NCAM2: variants seen among roughly 807,000 people sequenced by gnomAD.
The protein encoded by NCAM2 is neural cell adhesion molecule 2.
In NCAM2, 30 loss-of-function variants were observed where a neutral mutation model predicts 98.1. That is an observed-to-expected ratio of 0.31 (90% confidence interval 0.23 to 0.41). The LOEUF (loss-of-function observed/expected upper bound fraction) is 0.41, where lower values mean the gene tolerates loss of function less well. Ranked by LOEUF, NCAM2 falls within the 10% of genes least tolerant of loss-of-function variation. NCAM2 has a pLI of 1.00. For synonymous variants in NCAM2, 368 were observed against 342.4 expected, an observed-to-expected ratio of 1.07 and a Z score of -0.83; for missense variants, 867 against 1,005.8, an observed-to-expected ratio of 0.86 and a Z score of 1.87.
At chr21:21,256,092 C>T (rs961534062) in intron 1 of NCAM2, among the ~76,000 whole-genome samples, 5 of 152,086 alleles carry the variant, frequency 3.3e-5, no homozygotes, top group African/African-American at 4.8e-5. Context: ...CAGTGGCTCA[C>T]GCCTGTAATC....
intron 1 of NCAM2, among the ~76,000 whole-genome samples, chr21:21,246,951 A>G (rs1174661885): frequency 6.6e-6 from 1 of 152,152 alleles, no homozygotes; most frequent in Non-Finnish European, 1.5e-5. Context: ...CTTGAATAAT[A>G]GCATTTAACC....
intron 10 of NCAM2, among the ~76,000 whole-genome samples, chr21:21,416,435 T>C (rs992006598): frequency 2.0e-5 from 3 of 151,666 alleles, no homozygotes; most frequent in African/African-American, 7.3e-5. Flanking sequence ...GCAACTGTTG[T>C]TGAAAAAATG....
chr21:21,341,760 G>T (rs1304227191), intron 8 of NCAM2, among the ~76,000 whole-genome samples: 2 of 147,190 alleles, frequency 1.4e-5, no homozygotes, highest in Non-Finnish European at 3.0e-5. Context: ...CAAAAAAAAT[G>T]GGGATAAAAT....
intron 1 of NCAM2, among the ~76,000 whole-genome samples, chr21:21,136,151 C>A (rs1555889404): frequency 6.6e-6 from 1 of 152,166 alleles, no homozygotes; most frequent in Non-Finnish European, 1.5e-5. Context: ...CACTTATCTG[C>A]AACATTAGGG....
chr21:21,429,420 A>G (rs1451306969), intron 11 of NCAM2, among the ~76,000 whole-genome samples: 1 of 152,186 alleles, frequency 6.6e-6, no homozygotes, highest in Non-Finnish European at 1.5e-5. Flanking sequence ...AGAATATACT[A>G]CCTTCACTTT....
In NCAM2 at chr21:20,998,454, CG is replaced by C; in HGVS notation, c.-107del. 1 of 1,072,536 alleles carries C rather than the reference CG, an allele frequency of 9.3e-7. No individual in the cohort carries two copies. Among genetic ancestry groups the C allele is most frequent in the South Asian group, 1.6e-5 (1 of 62,374 alleles). The allele number at this position is 1,072,536 out of a possible 1,614,324, so 66.4% of individuals were successfully genotyped here. On this transcript the variant is annotated 5_prime_UTR_variant, in exon 1 of 18. Coordinates refer to ENST00000400546, the MANE Select transcript of NCAM2 (RefSeq NM_004540.5). ...CGGGCTGCGGGCGGCTGGGGCACCGCGGGAGCGGCGGCGGCGGCTCTAGCAG... is the reference window on the plus strand; with the variant it reads ...CGGGCTGCGGGCGGCTGGGGCACCGCGGAGCGGCGGCGGCGGCTCTAGCAG...
intron 1 of NCAM2, among the ~76,000 whole-genome samples, chr21:21,118,257 G>A (rs1483563264): frequency 1.3e-5 from 2 of 152,170 alleles, no homozygotes; most frequent in Non-Finnish European, 2.9e-5. Flanking sequence ...CAAGAAGCTA[G>A]GCATAGGCGT....
rs1426557013 is a variant in NCAM2 at position 21,543,079 on chromosome 21, T to A, written c.*5122T>A. 1 of 151,916 alleles carries A rather than the reference T, an allele frequency of 6.6e-6. No individual in the cohort carries two copies. Among genetic ancestry groups the A allele is most frequent in the Non-Finnish European group, 1.5e-5 (1 of 67,874 alleles). The allele number at this position is 151,916 out of a possible 1,614,324, so 9.4% of individuals were successfully genotyped here. A position where few individuals can be genotyped will look rare whatever the true frequency, so the allele number is the denominator to read the frequency against. On this transcript the variant is annotated 3_prime_UTR_variant, in exon 18 of 18. Transcript: ENST00000400546. Reference sequence around the variant, plus strand: ...TCAGTATGTACTGAAACATACTATCTTTTATTTTCTTTAATTTATATATTC... The same window carrying A: ...TCAGTATGTACTGAAACATACTATCATTTATTTTCTTTAATTTATATATTC...
At chr21:21,195,527 G>A (rs2068973517) in intron 1 of NCAM2, among the ~76,000 whole-genome samples, 1 of 152,070 alleles carries the variant, frequency 6.6e-6, no homozygotes, top group Non-Finnish European at 1.5e-5. Context: ...TCTGTCTGTA[G>A]GAAATCATCC....
intron 11 of NCAM2, among the ~76,000 whole-genome samples, chr21:21,425,963 T>A (rs1324193840): frequency 6.6e-6 from 1 of 152,164 alleles, no homozygotes; most frequent in Non-Finnish European, 1.5e-5. Context: ...AAATTCAAGA[T>A]CAAGGCACCA....
At chr21:21,235,726 G>A in intron 1 of NCAM2, among the ~76,000 whole-genome samples, 1 of 151,940 alleles carries the variant, frequency 6.6e-6, no homozygotes, top group East Asian at 1.9e-4. Context: ...AAACTCAGCA[G>A]AAAATTCACT....
chr21:21,172,527 G>A (rs2068157870), intron 1 of NCAM2, among the ~76,000 whole-genome samples: 1 of 151,930 alleles, frequency 6.6e-6, no homozygotes, highest in African/African-American at 2.4e-5. Flanking sequence ...ATTGCATATT[G>A]CATAGTTTTA....
intron 15 of NCAM2, among the ~76,000 whole-genome samples, chr21:21,493,370 T>G (rs1305972490): frequency 1.1e-4 from 16 of 151,824 alleles, no homozygotes; most frequent in Admixed American, 1.1e-3. Flanking sequence ...CCATTGCATG[T>G]TTTCCCTTTT....
At chr21:21,160,891 A>C (rs2067762441) in intron 1 of NCAM2, among the ~76,000 whole-genome samples, 2 of 151,984 alleles carry the variant, frequency 1.3e-5, no homozygotes, top group Non-Finnish European at 1.5e-5. Context: ...TCTTGACTAT[A>C]TTATATTTGA....
At chr21:21,457,957 G>C (rs1982398785) in intron 12 of NCAM2, among the ~76,000 whole-genome samples, 1 of 152,176 alleles carries the variant, frequency 6.6e-6, no homozygotes, top group Non-Finnish European at 1.5e-5. Flanking sequence ...TGATTAGCAT[G>C]GATCAGCCAT....
intron 1 of NCAM2, among the ~76,000 whole-genome samples, chr21:21,100,715 C>A (rs2066224332): frequency 6.6e-6 from 1 of 151,990 alleles, no homozygotes; most frequent in Non-Finnish European, 1.5e-5. Context: ...TGTGCTTAAA[C>A]TGCCCTTTAA....
chr21:21,473,545 A>T (rs1284560651), intron 14 of NCAM2, among the ~76,000 whole-genome samples: 1 of 151,512 alleles, frequency 6.6e-6, no homozygotes, highest in Non-Finnish European at 1.5e-5. Flanking sequence ...ACTGCTTTAT[A>T]TACATACAAA....
At chr21:21,400,905 T>C (rs946047336) in intron 9 of NCAM2, among the ~76,000 whole-genome samples, 1 of 152,182 alleles carries the variant, frequency 6.6e-6, no homozygotes, top group Admixed American at 6.6e-5. Flanking sequence ...CTAAAAGTAA[T>C]ATGCATGTTT....
chr21:21,363,885 A>C (rs941919751), intron 8 of NCAM2, among the ~76,000 whole-genome samples: 1 of 152,024 alleles, frequency 6.6e-6, no homozygotes, highest in Non-Finnish European at 1.5e-5. Context: ...TCTCCTATAC[A>C]TTATTTTATC....
Sources: gnomAD v4.1 joint callset for allele counts (sites outside exome capture counted in the v4.1 genomes callset) on GRCh38, gnomAD v4.1.1 for gene constraint, MANE v1.5 for transcripts, NCBI Gene and HGNC (gene_info 2026-07-23, HGNC 2026-07-21) for gene names.